AHRR: variants seen among roughly 807,000 people sequenced by gnomAD.
AHRR encodes the protein aryl hydrocarbon receptor repressor, also known as ahR repressor.
A neutral mutation model predicts 44.0 loss-of-function variants in AHRR; 28 were observed. That is an observed-to-expected ratio of 0.64 (90% CI 0.47 to 0.87). AHRR has a LOEUF of 0.87. Among genes scored for constraint, AHRR ranks in the 40% least tolerant of loss-of-function variants. The pLI, the probability that AHRR is intolerant of heterozygous loss-of-function variation, is 0.00. For missense variants in AHRR, 990 were observed against 953.9 expected, an observed-to-expected ratio of 1.04 and a Z score of -0.50; for synonymous variants, 434 against 407.0, an observed-to-expected ratio of 1.07 and a Z score of -0.80.
chr5:432,998 C>G (rs1392967262), intron 10 of AHRR, 51 bp downstream of exon 10: 16 of 1,513,654 alleles, frequency 1.1e-5, no homozygotes, highest in Non-Finnish European at 1.1e-5. Flanking sequence ...CCTAAGTCAC[C>G]GTGGAGGCCA....
rs113754497 is a variant in AHRR at position 395,951 on chromosome 5, C to T, written c.352-17393C>T. ...GCTCCTGGTACGAGGATTAGGAGGCCATGGGTCGTCCAGAAACTCAGGCCA... is the reference window on the plus strand; with the variant it reads ...GCTCCTGGTACGAGGATTAGGAGGCTATGGGTCGTCCAGAAACTCAGGCCA... On this transcript the variant is annotated intron_variant, in intron 4 of 10. Coordinates refer to ENST00000684583, the MANE Select transcript of AHRR (RefSeq NM_001377236.1). This position sits in a 1 kb window ranked among gnomAD's most constrained non-coding sequence, Gnocchi z 5.3. Among the ~76,000 whole-genome samples the T allele has an allele frequency of 1.3e-4, 20 of 152,292 alleles. No homozygotes were observed. Among genetic ancestry groups the T allele is most frequent in the African/African-American group, 4.6e-4 (19 of 41,564 alleles).
rs367857615 is a variant in AHRR at position 370,962 on chromosome 5, C to T, written c.245-5648C>T. ...GGCTCTGCAGAAAAACAGAACCGAC[C>T]GGAGACAGATATGGGGAGGCTTATT... is the stretch of plus-strand genomic sequence containing the variant. On this transcript the variant is annotated intron_variant, in intron 3 of 10. Coordinates refer to ENST00000684583, the MANE Select transcript of AHRR (RefSeq NM_001377236.1). The surrounding 1 kb of genome is among the most constrained non-coding windows in gnomAD (Gnocchi z 4.5). Among the ~76,000 whole-genome samples the T allele has an allele frequency of 9.9e-5, 15 of 152,130 alleles. No individual in the cohort carries two copies. Among genetic ancestry groups the T allele is most frequent in the African/African-American group, 2.9e-4 (12 of 41,412 alleles).
chr5:340,704 T>A (rs1181656292), intron 1 of AHRR, among the ~76,000 whole-genome samples: 14 of 59,978 alleles, frequency 2.3e-4, no homozygotes, highest in African/African-American at 6.2e-4. Context: ...TTTTTTTTTT[T>A]TTTTTTTTTG....
rs1446133190 is a variant in AHRR, at chr5:353,849, T to G, written c.182T>G (p.Leu61Arg). Residue 61 changes from leucine to arginine, a missense_variant, in exon 3 of 11, where the codon CTG becomes CGG. By Grantham distance (102) the Leu-to-Arg change is moderately radical. Coordinates refer to ENST00000684583, the MANE Select transcript of AHRR (RefSeq NM_001377236.1). ...LPFPPDIISK[L>R]DKLSVLRLSV... The stretch of plus-strand genomic sequence containing the variant: ...TTCCCGCCTGACATCATCTCCAAGC[T>G]GGACAAGCTTTCTGTCCTGCGCCTC... 3 of 1,614,040 alleles carry G rather than the reference T, an allele frequency of 1.9e-6. No individual in the cohort carries two copies. The highest frequency in any genetic ancestry group is 1.7e-5 in the Admixed American group (1 of 60,006).
In AHRR at chr5:423,835, C is replaced by T; in HGVS notation, c.572-6C>T. The T allele has an allele frequency of 6.3e-7, 1 of 1,597,910 alleles. No homozygotes were observed. Among genetic ancestry groups the T allele is most frequent in the Non-Finnish European group, 8.5e-7 (1 of 1,175,156 alleles). On this transcript the variant is annotated splice_region_variant and splice_polypyrimidine_tract_variant and intron_variant, in intron 6 of 10. Coordinates refer to ENST00000684583, the MANE Select transcript of AHRR (RefSeq NM_001377236.1). ...CGCCACGCCCCTTGGCCCCTATGGT[C>T]TGCAGGAGATGATGCTATCCTGGGG...
rs1736085459 is a variant in AHRR at position 421,056 on chromosome 5, G to T, written c.442-1673G>T. The T allele has an allele frequency of 3.6e-5, 19 of 523,280 alleles. 1 individual carries two copies. Among genetic ancestry groups the T allele is most frequent in the South Asian group, 1.4e-4 (6 of 44,428 alleles). 32.4% of individuals were successfully genotyped at this position (523,280 alleles called of 1,614,324 possible). A position where few individuals can be genotyped will look rare whatever the true frequency, so the allele number is the denominator to read the frequency against. ...TAGCAAGAAACGTGGCCTATCCACC[G>T]CAGCGACTAAAAGATAAAGAGGGAA... On this transcript the variant is annotated intron_variant, in intron 5 of 10. Transcript: ENST00000684583.
chr5:397,953 C>T (rs865876506), intron 4 of AHRR, among the ~76,000 whole-genome samples: 2,086 of 94,396 alleles, frequency 0.022, 2 homozygotes, highest in African/African-American at 0.11. Context: ...TCCACGTAGC[C>T]CCTGACCATC....
At chr5:421,289 C>G in intron 5 of AHRR, 1 of 697,702 alleles carries the variant, frequency 1.4e-6, no homozygotes, top group Non-Finnish European at 2.6e-6. Flanking sequence ...ACGGGCGAGG[C>G]TGTTGCGCTG....
In AHRR at chr5:427,880, C is replaced by T. The variant is rs533891130; in HGVS notation, c.782C>T (p.Pro261Leu). The T allele has an allele frequency of 2.5e-5, 40 of 1,614,160 alleles. No homozygotes were observed. In the African/African-American group the frequency reaches 3.3e-4, roughly 13 times the overall value. ...KKKAPSGAMLPPRLSLFCIAA... is the reference protein window; with the variant it reads ...KKKAPSGAMLLPRLSLFCIAA... Reference sequence around the variant, plus strand: ...AAGGCGCCGTCAGGAGCCATGCTCCCGCCGCGGCTGTCGCTGTTCTGCATT... The same window carrying T: ...AAGGCGCCGTCAGGAGCCATGCTCCTGCCGCGGCTGTCGCTGTTCTGCATT... Residue 261 changes from proline to leucine, a missense_variant, in exon 8 of 11, where the codon CCG becomes CTG. Transcript: ENST00000684583.
intron 5 of AHRR, 39 bp downstream of exon 5, chr5:413,472 C>A: frequency 7.0e-7 from 1 of 1,418,704 alleles, no homozygotes; most frequent in Non-Finnish European, 9.9e-7. Flanking sequence ...CTGTTAAGTG[C>A]TATGTTGTCT....
chr5:355,548 G>T (rs1043793939), intron 3 of AHRR, among the ~76,000 whole-genome samples: 1 of 152,168 alleles, frequency 6.6e-6, no homozygotes, highest in Non-Finnish European at 1.5e-5. Context: ...TTGGAGGAGA[G>T]GCCAGGTCAT....
At chr5:425,677 A>G (rs1023424092) in intron 7 of AHRR, among the ~76,000 whole-genome samples, 13 of 152,260 alleles carry the variant, frequency 8.5e-5, no homozygotes, top group South Asian at 6.2e-4. Context: ...CTGTGCAGCC[A>G]CTGGAATATA....
chr5:421,224 G>C (rs964125872), intron 5 of AHRR: 2 of 684,890 alleles, frequency 2.9e-6, no homozygotes, highest in Non-Finnish European at 5.3e-6. Context: ...CCTCCTCGTC[G>C]GCAACGCCCA....
At chr5:379,263 G>C (rs931728510) in intron 4 of AHRR, among the ~76,000 whole-genome samples, 1 of 152,202 alleles carries the variant, frequency 6.6e-6, no homozygotes, top group Non-Finnish European at 1.5e-5. Context: ...CCACGGTGCT[G>C]CGGGCCGCTG....
rs1054614232 is a variant in AHRR, at chr5:388,476, C to T, written c.351+11760C>T. ...TGTCACACCCTTGTAAGGAGGGAGCCGGGGTCCCCACTGCTGCTTTTCTCC... is the reference window on the plus strand; with the variant it reads ...TGTCACACCCTTGTAAGGAGGGAGCTGGGGTCCCCACTGCTGCTTTTCTCC... On this transcript the variant is annotated intron_variant, in intron 4 of 10. Transcript: ENST00000684583. This position sits in a 1 kb window ranked among gnomAD's most constrained non-coding sequence, Gnocchi z 5.2. Among the ~76,000 whole-genome samples the T allele has an allele frequency of 2.0e-5, 3 of 152,162 alleles. No homozygotes were observed. The highest frequency in any genetic ancestry group is 4.4e-5 in the Non-Finnish European group (3 of 68,018).
chr5:425,171 T>C (rs10078659), intron 7 of AHRR, among the ~76,000 whole-genome samples: 4,442 of 152,298 alleles, frequency 0.029, 128 homozygotes, highest in Middle Eastern at 0.082. Flanking sequence ...ATGGCAGAGG[T>C]ACCTGTGGGT....
intron 2 of AHRR, among the ~76,000 whole-genome samples, chr5:344,456 GTGTGTGTGTGAGGC>G (rs1742505785): frequency 4.3e-5 from 1 of 22,990 alleles, no homozygotes; most frequent in Non-Finnish European, 9.9e-5. Context: ...TGTGTGGGGT[GTGTGTGTGTGAGGC>G]TGTGTGTGCG....
intron 4 of AHRR, among the ~76,000 whole-genome samples, chr5:378,664 T>G (rs1323575112): frequency 6.6e-6 from 1 of 152,026 alleles, no homozygotes; most frequent in East Asian, 1.9e-4. Flanking sequence ...GGTGGGAGAC[T>G]GGAGAGGGAA....
Position 338,704 on chromosome 5 carries a change from C to T in AHRR, c.-10-5189C>T, listed in dbSNP as rs1742226894. On this transcript the variant is annotated intron_variant, in intron 1 of 10. Transcript: ENST00000684583. This position sits in a 1 kb window ranked among gnomAD's most constrained non-coding sequence, Gnocchi z 4.1. ...AAAAAATACAAAAATAAATATTATT[C>T]TACTTATTACTGGTTATGAGCAATT... 6.6e-6 allele frequency among the ~76,000 whole-genome samples: 1 copy of T among 152,112 alleles called. No individual in the cohort carries two copies. Among genetic ancestry groups the T allele is most frequent in the Admixed American group, 6.5e-5 (1 of 15,268 alleles).
Sources: allele counts gnomAD v4.1 joint callset (sites outside exome capture counted in the v4.1 genomes callset), GRCh38; gene constraint gnomAD v4.1.1; non-coding constraint Gnocchi (gnomAD v3.1); transcripts MANE v1.5; gene names NCBI Gene and HGNC (gene_info 2026-07-23, HGNC 2026-07-21).